The following PTPRT variants were observed in gnomAD, a reference collection of about 807,000 sequenced individuals.
The protein encoded by PTPRT is receptor-type tyrosine-protein phosphatase T.
Under a neutral mutation model 176.8 loss-of-function variants are expected in PTPRT, and 56 were observed. That is an observed-to-expected ratio of 0.32 (90% confidence interval 0.26 to 0.40). PTPRT has a LOEUF of 0.40. PTPRT is among the 10% of genes least tolerant of loss of function. The pLI is 1.00. For missense variants in PTPRT, 1,540 were observed against 1,908.2 expected, an observed-to-expected ratio of 0.81 and a Z score of 3.60; for synonymous variants, 783 against 739.0, an observed-to-expected ratio of 1.06 and a Z score of -0.96.
chr20:42,457,963 C>G (rs1270564545), intron 8 of PTPRT, among the ~76,000 whole-genome samples: 1 of 152,140 alleles, frequency 6.6e-6, no homozygotes, highest in Admixed American at 6.5e-5. Flanking sequence ...TCTCTCCTTT[C>G]CCCACTCCCA....
chr20:43,051,327 C>G (rs1318554280), intron 1 of PTPRT, among the ~76,000 whole-genome samples: 1 of 152,172 alleles, frequency 6.6e-6, no homozygotes, highest in Non-Finnish European at 1.5e-5. Context: ...TTAAATAAGT[C>G]CCAGTTAAGT....
intron 1 of PTPRT, among the ~76,000 whole-genome samples, chr20:43,183,502 C>T (rs761347950): frequency 6.6e-6 from 1 of 152,136 alleles, no homozygotes; most frequent in Non-Finnish European, 1.5e-5. Context: ...CACAAAGGCC[C>T]GTGGTCAAAT....
chr20:42,759,881 C>G (rs542605357), intron 5 of PTPRT, among the ~76,000 whole-genome samples: 1 of 152,296 alleles, frequency 6.6e-6, no homozygotes, highest in Non-Finnish European at 1.5e-5. Flanking sequence ...GGTGGTGTCT[C>G]TGGTTGGGCT....
chr20:42,329,305 A>T (rs1213567264), intron 11 of PTPRT, among the ~76,000 whole-genome samples: 1 of 152,240 alleles, frequency 6.6e-6, no homozygotes, highest in African/African-American at 2.4e-5. Context: ...TTAAAAATTC[A>T]TAGGGAAACA....
At chr20:42,230,633 C>T (rs949408773) in intron 15 of PTPRT, among the ~76,000 whole-genome samples, 15 of 152,152 alleles carry the variant, frequency 9.9e-5, no homozygotes, top group African/African-American at 3.1e-4. Context: ...CACACTCTCT[C>T]GTTGCCCTTC....
chr20:42,147,183 G>A (rs188900799), intron 17 of PTPRT, among the ~76,000 whole-genome samples: 82 of 152,278 alleles, frequency 5.4e-4, no homozygotes, highest in African/African-American at 1.9e-3. Flanking sequence ...CTATACTTCA[G>A]ATGTGCTTGA....
intron 6 of PTPRT, among the ~76,000 whole-genome samples, chr20:42,692,263 A>T (rs1380420774): frequency 6.6e-6 from 1 of 152,204 alleles, no homozygotes. Flanking sequence ...TTTTAGGCCA[A>T]TCTCCCTCGT....
At chr20:42,451,502 G>A (rs2070826254) in intron 8 of PTPRT, among the ~76,000 whole-genome samples, 1 of 151,880 alleles carries the variant, frequency 6.6e-6, no homozygotes, top group Non-Finnish European at 1.5e-5. Context: ...CAAGAGTATA[G>A]AGCAGAGAAA....
intron 15 of PTPRT, among the ~76,000 whole-genome samples, chr20:42,211,404 A>C (rs1035875932): frequency 8.2e-4 from 124 of 151,174 alleles, no homozygotes; most frequent in Non-Finnish European, 1.4e-3. Context: ...TCATCTGACA[A>C]AGGGCTAATA....
chr20:43,000,277 A>G (rs1413319378), intron 1 of PTPRT, among the ~76,000 whole-genome samples: 2 of 152,218 alleles, frequency 1.3e-5, no homozygotes, highest in African/African-American at 4.8e-5. Flanking sequence ...GTTATGTATC[A>G]AAGAAAAATC....
At chr20:42,458,176 C>T (rs1356748184) in intron 8 of PTPRT, among the ~76,000 whole-genome samples, 2 of 152,156 alleles carry the variant, frequency 1.3e-5, no homozygotes, top group African/African-American at 4.8e-5. Context: ...GCAGCCATGG[C>T]ATCGTTTTAC....
chr20:43,059,479 G>T (rs1987367664), intron 1 of PTPRT, among the ~76,000 whole-genome samples: 1 of 152,162 alleles, frequency 6.6e-6, no homozygotes, highest in African/African-American at 2.4e-5. Flanking sequence ...TCAGCTAAAA[G>T]CTTTGCCGCT....
intron 2 of PTPRT, among the ~76,000 whole-genome samples, chr20:42,845,129 C>A (rs1310054855): frequency 6.6e-6 from 1 of 152,094 alleles, no homozygotes; most frequent in South Asian, 2.1e-4. Context: ...AGCAGCCCAC[C>A]CCTCCCTTGC....
chr20:42,636,573 T>A (rs2145915841), intron 7 of PTPRT, among the ~76,000 whole-genome samples: 1 of 152,030 alleles, frequency 6.6e-6, no homozygotes, highest in African/African-American at 2.4e-5. Flanking sequence ...TCACTTGAGA[T>A]CAGGAGTTTG....
At chr20:42,561,854 T>A (rs989067419) in intron 7 of PTPRT, among the ~76,000 whole-genome samples, 5 of 152,218 alleles carry the variant, frequency 3.3e-5, no homozygotes, top group African/African-American at 1.2e-4. Context: ...CTGTTGGGAC[T>A]GCTGCCTCAT....
chr20:42,386,814 T>C (rs1568834822), intron 9 of PTPRT, among the ~76,000 whole-genome samples: 1 of 152,132 alleles, frequency 6.6e-6, no homozygotes, highest in African/African-American at 2.4e-5. Context: ...GAGCCGAGAT[T>C]GTGCCACTGC....
intron 24 of PTPRT, 66 bp downstream of exon 24, chr20:42,106,720 C>G: frequency 6.4e-7 from 1 of 1,570,084 alleles, no homozygotes; most frequent in Non-Finnish European, 8.7e-7. Flanking sequence ...TCTCTCCGTT[C>G]TATCATCATG....
intron 5 of PTPRT, among the ~76,000 whole-genome samples, chr20:42,758,871 A>C (rs1047548474): frequency 6.6e-6 from 1 of 152,198 alleles, no homozygotes; most frequent in Non-Finnish European, 1.5e-5. Flanking sequence ...AAGGTAATGG[A>C]AGGGGAGAAA....
At chr20:42,322,249 G>GA (rs1305515441) in intron 11 of PTPRT, among the ~76,000 whole-genome samples, 2 of 150,598 alleles carry the variant, frequency 1.3e-5, no homozygotes, top group Admixed American at 6.6e-5. Context: ...CACAGAATTG[G>GA]AAAAAACTAC....
Sources: allele counts gnomAD v4.1 joint callset (sites outside exome capture counted in the v4.1 genomes callset), GRCh38; gene constraint gnomAD v4.1.1; transcripts MANE v1.5; gene names NCBI Gene and HGNC (gene_info 2026-07-23, HGNC 2026-07-21).